The following UMAD1 variants were observed in gnomAD, a reference collection of about 807,000 sequenced individuals.
UMAD1 encodes the protein UBAP1-MVB12-associated (UMA)-domain containing protein 1.
Under a neutral mutation model 6.1 loss-of-function variants are expected in UMAD1, and 8 were observed. The ratio of observed to expected loss-of-function variants is 1.30; its 90% CI spans 0.76 to 2.35. The LOEUF (loss-of-function observed/expected upper bound fraction) is 2.35. Among genes scored for constraint, UMAD1 ranks in the 30% most tolerant of loss-of-function variants. The pLI is 0.00. For synonymous variants in UMAD1, 56 were observed against 31.4 expected (o/e 1.78, Z -2.61); for missense variants, 130 against 78.4 (o/e 1.66, Z -2.49).
chr7:7,674,418 G>A (rs1393032385), intron 2 of UMAD1, among the ~76,000 whole-genome samples: 8 of 152,086 alleles, frequency 5.3e-5, no homozygotes, highest in Admixed American at 2.6e-4. Flanking sequence ...AGTTTTTCTC[G>A]TGGATAAACT....
intron 3 of UMAD1, among the ~76,000 whole-genome samples, chr7:7,820,877 A>G (rs907428701): frequency 6.6e-6 from 1 of 152,200 alleles, no homozygotes; most frequent in African/African-American, 2.4e-5. Context: ...TGAATATTTC[A>G]CTGAATGTTG....
intron 3 of UMAD1, among the ~76,000 whole-genome samples, chr7:7,838,935 T>C (rs1430960433): frequency 6.6e-6 from 1 of 152,184 alleles, no homozygotes; most frequent in Non-Finnish European, 1.5e-5. Context: ...ATATTTGTCA[T>C]GTAGCTATAA....
At chr7:7,783,032 C>G (rs1015554942) in intron 2 of UMAD1, among the ~76,000 whole-genome samples, 2 of 152,198 alleles carry the variant, frequency 1.3e-5, no homozygotes, top group Non-Finnish European at 1.5e-5. Context: ...CGTGCCCAAC[C>G]TAGTGTATAA....
chr7:7,864,010 C>CACTG (rs1473718468), intron 3 of UMAD1, among the ~76,000 whole-genome samples: 11 of 152,340 alleles, frequency 7.2e-5, no homozygotes, highest in Admixed American at 3.9e-4. Context: ...TGGTTCCTGA[C>CACTG]ACTGAGCTTC....
intron 3 of UMAD1, among the ~76,000 whole-genome samples, chr7:7,815,819 G>T (rs530214714): frequency 1.3e-5 from 2 of 152,258 alleles, no homozygotes; most frequent in South Asian, 4.1e-4. Flanking sequence ...TATTAAAGAT[G>T]AAAGGAAGGA....
intron 3 of UMAD1, among the ~76,000 whole-genome samples, chr7:7,874,624 C>T (rs939255769): frequency 2.0e-5 from 3 of 152,140 alleles, no homozygotes; most frequent in Non-Finnish European, 4.4e-5. Context: ...CGAGACCAGC[C>T]TAGCCAACAT....
At chr7:7,864,640 C>T (rs922658426) in intron 3 of UMAD1, among the ~76,000 whole-genome samples, 2 of 121,884 alleles carry the variant, frequency 1.6e-5, no homozygotes, top group African/African-American at 2.9e-5. Context: ...CACACACACA[C>T]ACACACACAC....
intron 2 of UMAD1, among the ~76,000 whole-genome samples, chr7:7,681,141 G>T (rs1387746055): frequency 6.6e-6 from 1 of 152,122 alleles, no homozygotes; most frequent in Non-Finnish European, 1.5e-5. Context: ...GGACACCACA[G>T]AATTTGTTAG....
intron 1 of UMAD1, among the ~76,000 whole-genome samples, chr7:7,662,670 A>T (rs535108142): frequency 6.6e-6 from 1 of 152,170 alleles, no homozygotes; most frequent in South Asian, 2.1e-4. Flanking sequence ...TCCCAATGAG[A>T]TGAGCCGGGT....
chr7:7,734,994 TAATA>T (rs1378322116), intron 2 of UMAD1, among the ~76,000 whole-genome samples: 1 of 152,158 alleles, frequency 6.6e-6, no homozygotes, highest in East Asian at 1.9e-4. Context: ...AAATTATATT[TAATA>T]AATATAGTGT....
At position 7,726,681 on chromosome 7, in the gene UMAD1, T is replaced by A. The variant is rs145174970; in HGVS notation, c.82+53228T>A. On this transcript the variant is annotated intron_variant, in intron 2 of 3. Transcript: ENST00000682710. Reference sequence around the variant, plus strand: ...CCTGTGACATTACGTTCTGCTGGCCTAGAGCTGTTAGTTCCAGATAGAGAT... The same window carrying A: ...CCTGTGACATTACGTTCTGCTGGCCAAGAGCTGTTAGTTCCAGATAGAGAT... Among the ~76,000 whole-genome samples the A allele has an allele frequency of 8.3e-3, 1,263 of 152,284 alleles. 12 individuals are homozygous for A. Among genetic ancestry groups the A allele is most frequent in the African/African-American group, 0.027 (1,140 of 41,552 alleles).
At chr7:7,783,233 G>T (rs1045150122) in intron 2 of UMAD1, among the ~76,000 whole-genome samples, 1 of 152,218 alleles carries the variant, frequency 6.6e-6, no homozygotes, top group Non-Finnish European at 1.5e-5. Context: ...ATCAATTACA[G>T]ATAGTTGTAA....
At chr7:7,667,953 G>A (rs539927671) in intron 1 of UMAD1, among the ~76,000 whole-genome samples, 64 of 152,108 alleles carry the variant, frequency 4.2e-4, no homozygotes, top group African/African-American at 1.4e-3. Flanking sequence ...TTTAACACAG[G>A]GTCTTGCTCT....
chr7:7,704,213 T>C (rs1010800197), intron 2 of UMAD1, among the ~76,000 whole-genome samples: 1 of 152,222 alleles, frequency 6.6e-6, no homozygotes, highest in African/African-American at 2.4e-5. Context: ...TGTAAAATTA[T>C]AAGGCTACTC....
chr7:7,669,839 A>T (rs542091972), intron 1 of UMAD1, among the ~76,000 whole-genome samples: 26 of 152,136 alleles, frequency 1.7e-4, no homozygotes, highest in African/African-American at 5.3e-4. Flanking sequence ...GTTCTTTTCT[A>T]TAGTCTCTGC....
chr7:7,813,151 T>A (rs1351559713), intron 3 of UMAD1, among the ~76,000 whole-genome samples: 1 of 152,160 alleles, frequency 6.6e-6, no homozygotes, highest in African/African-American at 2.4e-5. Flanking sequence ...ACAATTTACG[T>A]AGATTTTCCA....
At chr7:7,694,034 A>C (rs1244583224) in intron 2 of UMAD1, among the ~76,000 whole-genome samples, 2 of 152,110 alleles carry the variant, frequency 1.3e-5, no homozygotes, top group Non-Finnish European at 2.9e-5. Flanking sequence ...GTTTTTTTCA[A>C]CTGAGTCATT....
chr7:7,853,700 T>A (rs1003614160), intron 3 of UMAD1, among the ~76,000 whole-genome samples: 2 of 152,240 alleles, frequency 1.3e-5, no homozygotes, highest in Non-Finnish European at 2.9e-5. Context: ...AATAGTATTT[T>A]AATGAATTCC....
chr7:7,769,486 C>T (rs1782059234), intron 2 of UMAD1, among the ~76,000 whole-genome samples: 1 of 152,056 alleles, frequency 6.6e-6, no homozygotes, highest in African/African-American at 2.4e-5. Flanking sequence ...GAGAGCCTCC[C>T]CCACTGACAG....
Sources: allele counts gnomAD v4.1 joint callset (sites outside exome capture counted in the v4.1 genomes callset), GRCh38; gene constraint gnomAD v4.1.1; transcripts MANE v1.5; gene names NCBI Gene and HGNC (gene_info 2026-07-23, HGNC 2026-07-21).